Variants in MED27 observed in about 807,000 individuals in gnomAD.
The protein encoded by MED27 is mediator of RNA polymerase II transcription subunit 27.
Under a neutral mutation model 38.2 loss-of-function variants are expected in MED27, and 30 were observed. The observed-to-expected ratio is 0.79, with a 90% CI of 0.59 to 1.07. The LOEUF is 1.07. MED27 is among the 50% of genes least tolerant of loss of function. The probability of loss-of-function intolerance (pLI) is 0.00; values close to 1 mark genes in which losing one functional copy is unlikely to be tolerated. For missense variants in MED27, 289 were observed against 397.5 expected, an observed-to-expected ratio of 0.73 and a Z score of 2.32; for synonymous variants, 122 against 153.5, an observed-to-expected ratio of 0.79 and a Z score of 1.52.
intron 4 of MED27, among the ~76,000 whole-genome samples, chr9:131,914,431 G>A (rs1796637973): frequency 6.6e-6 from 1 of 152,170 alleles, no homozygotes; most frequent in African/African-American, 2.4e-5. Flanking sequence ...GCTGCTGTGA[G>A]ATTACACTGT....
chr9:131,961,926 T>A (rs1268083127), intron 3 of MED27, among the ~76,000 whole-genome samples: 1 of 152,198 alleles, frequency 6.6e-6, no homozygotes, highest in Admixed American at 6.5e-5. Flanking sequence ...GTTGATAGAT[T>A]TAAGAATTAT....
intron 4 of MED27, among the ~76,000 whole-genome samples, chr9:131,922,900 C>T (rs967124708): frequency 1.3e-5 from 2 of 152,154 alleles, no homozygotes; most frequent in Non-Finnish European, 2.9e-5. Flanking sequence ...AGGCGTGAAC[C>T]ACCGTGCCCA....
chr9:132,019,928 G>A (rs1038335740), intron 2 of MED27, among the ~76,000 whole-genome samples: 3 of 152,202 alleles, frequency 2.0e-5, no homozygotes, highest in Admixed American at 6.5e-5. Flanking sequence ...TGCAGGCGCT[G>A]AGACGTTGCA....
In MED27 at chr9:131,862,151, G is replaced by A. The variant is rs943160281; in HGVS notation, c.801+912C>T. Among the ~76,000 whole-genome samples, 1 of 152,214 alleles carries A rather than the reference G, an allele frequency of 6.6e-6. No homozygotes were observed. The highest frequency in any genetic ancestry group is 1.5e-5 in the Non-Finnish European group (1 of 68,052). ...TGAAGCCAATCAACGCACCAGGGAT[G>A]TGTCTTCTGAGGAATGAACTCCAGG... On this transcript the variant is annotated intron_variant, in intron 7 of 7. Transcript: ENST00000292035. The surrounding 1 kb of genome is among the most constrained non-coding windows in gnomAD (Gnocchi z 4.6).
intron 2 of MED27, among the ~76,000 whole-genome samples, chr9:132,046,152 G>A (rs555976550): frequency 2.0e-5 from 3 of 152,262 alleles, no homozygotes; most frequent in East Asian, 1.9e-4. Context: ...CTGACGAATC[G>A]AGAGAAGAAA....
chr9:132,077,966 C>G (rs1442254026), intron 1 of MED27, among the ~76,000 whole-genome samples: 2 of 152,180 alleles, frequency 1.3e-5, no homozygotes, highest in Non-Finnish European at 2.9e-5. Flanking sequence ...ACGTGCAGAT[C>G]ATTACACTTG....
At chr9:132,068,927 T>C (rs1833869427) in intron 2 of MED27, among the ~76,000 whole-genome samples, 1 of 152,172 alleles carries the variant, frequency 6.6e-6, no homozygotes, top group Non-Finnish European at 1.5e-5. Flanking sequence ...CCCAGCGGCC[T>C]TCTCCCAAAC....
chr9:132,060,514 G>A (rs535478973), intron 2 of MED27, among the ~76,000 whole-genome samples: 6 of 152,280 alleles, frequency 3.9e-5, no homozygotes, highest in Admixed American at 2.0e-4. Flanking sequence ...ACCACTGCAC[G>A]GTCCCACATG....
intron 2 of MED27, among the ~76,000 whole-genome samples, chr9:132,033,984 T>G (rs958780577): frequency 3.3e-5 from 5 of 152,240 alleles, no homozygotes; most frequent in Admixed American, 3.3e-4. Context: ...TGTTCTGTAT[T>G]AAATGCGAGG....
intron 5 of MED27, among the ~76,000 whole-genome samples, chr9:131,886,475 A>C (rs1714031977): frequency 6.6e-6 from 1 of 152,124 alleles, no homozygotes; most frequent in African/African-American, 2.4e-5. Flanking sequence ...TTGCCACAAA[A>C]ACCCTCAACA....
At chr9:132,068,969 C>T (rs983385591) in intron 2 of MED27, among the ~76,000 whole-genome samples, 1 of 152,308 alleles carries the variant, frequency 6.6e-6, no homozygotes, top group East Asian at 1.9e-4. Context: ...GACAAGAAAA[C>T]GGGAGGCTTC....
In MED27 at chr9:131,889,595, G is replaced by T. The variant is rs950227974; in HGVS notation, c.681+4290C>A. Among the ~76,000 whole-genome samples, 1 of 152,202 alleles carries T rather than the reference G, an allele frequency of 6.6e-6. No individual in the cohort carries two copies. The highest frequency in any genetic ancestry group is 1.5e-5 in the Non-Finnish European group (1 of 68,048). On this transcript the variant is annotated intron_variant, in intron 5 of 7. Transcript: ENST00000292035. This position sits in a 1 kb window ranked among gnomAD's most constrained non-coding sequence, Gnocchi z 4.2. ...TTGGTATCAAAAATATGCATTGCAGGTAAAGAGACAGGATGCTAGGGTCAT... is the reference window on the plus strand; with the variant it reads ...TTGGTATCAAAAATATGCATTGCAGTTAAAGAGACAGGATGCTAGGGTCAT...
In MED27 at chr9:131,997,521, C is replaced by T. The variant is rs74939197; in HGVS notation, c.479+16816G>A. Among the ~76,000 whole-genome samples the T allele has an allele frequency of 0.016, 2,469 of 152,312 alleles. 55 individuals carry two copies. Among genetic ancestry groups the T allele is most frequent in the African/African-American group, 0.051 (2,106 of 41,554 alleles). Reference sequence around the variant, plus strand: ...CAGAGATCCCCTGGGTTGACCGAGGCGTTGCCAGCCCTGCACTGTAGGCTG... The same window carrying T: ...CAGAGATCCCCTGGGTTGACCGAGGTGTTGCCAGCCCTGCACTGTAGGCTG... On this transcript the variant is annotated intron_variant, in intron 3 of 7. Transcript: ENST00000292035. The surrounding 1 kb of genome is among the most constrained non-coding windows in gnomAD (Gnocchi z 4.0).
At position 131,889,636 on chromosome 9, in the gene MED27, AGCAAAGT is replaced by A. The variant is rs58670376; in HGVS notation, c.681+4242_681+4248del. On this transcript the variant is annotated intron_variant, in intron 5 of 7. Transcript: ENST00000292035. This position sits in a 1 kb window ranked among gnomAD's most constrained non-coding sequence, Gnocchi z 4.2. ...CTAGGGTCATGGCGGTGGTTGTTAG[AGCAAAGT>A]GCAAAGTGCAAAGTGATAGCCTTGC... Among the ~76,000 whole-genome samples the A allele has an allele frequency of 4.3e-3, 662 of 152,312 alleles. 1 individual carries two copies. Among genetic ancestry groups the A allele is most frequent in the African/African-American group, 0.015 (629 of 41,568 alleles).
At chr9:132,005,134 A>G (rs563361711) in intron 3 of MED27, among the ~76,000 whole-genome samples, 36 of 152,360 alleles carry the variant, frequency 2.4e-4, no homozygotes, top group African/African-American at 7.2e-4. Flanking sequence ...AAATAAATAC[A>G]TAAAAACGGA....
At chr9:132,072,767 G>A (rs1833969412) in intron 2 of MED27, among the ~76,000 whole-genome samples, 1 of 151,984 alleles carries the variant, frequency 6.6e-6, no homozygotes, top group Non-Finnish European at 1.5e-5. Context: ...AATTGTGAGG[G>A]GCATTTAAGT....
At position 132,059,691 on chromosome 9, in the gene MED27, C is replaced by T. The variant is rs149646566; in HGVS notation, c.348+17751G>A. ...TACATCATGGCTGGAAATAAATCCT[C>T]GGGAAAGCAGCCATTAATGCGCCTT... On this transcript the variant is annotated intron_variant, in intron 2 of 7. Transcript: ENST00000292035. 1.0e-2 allele frequency among the ~76,000 whole-genome samples: 1,516 copies of T among 152,296 alleles called. 14 individuals carry two copies. Among genetic ancestry groups the T allele is most frequent in the Non-Finnish European group, 0.015 (1,029 of 68,018 alleles).
At chr9:131,892,453 G>T (rs1839244286) in intron 5 of MED27, among the ~76,000 whole-genome samples, 1 of 152,134 alleles carries the variant, frequency 6.6e-6, no homozygotes, top group Non-Finnish European at 1.5e-5. Context: ...TCCTTCTTAT[G>T]ATCTCAATTC....
rs776745279 is a variant in MED27 at position 131,913,977 on chromosome 9, C to T, written c.574-19985G>A. 2.0e-5 allele frequency among the ~76,000 whole-genome samples: 3 copies of T among 152,116 alleles called. No homozygotes were observed. The highest frequency in any genetic ancestry group is 1.9e-4 in the East Asian group (1 of 5,204). ...ATTCATTCAACAGCTCTTAACAGAA[C>T]GCTTCCTTTGTGCCAGGTGCAGTTC... On this transcript the variant is annotated intron_variant, in intron 4 of 7. Coordinates refer to ENST00000292035, the MANE Select transcript of MED27 (RefSeq NM_004269.4). This position sits in a 1 kb window ranked among gnomAD's most constrained non-coding sequence, Gnocchi z 4.5.
Sources: allele counts gnomAD v4.1 joint callset (sites outside exome capture counted in the v4.1 genomes callset), GRCh38; gene constraint gnomAD v4.1.1; non-coding constraint Gnocchi (gnomAD v3.1); transcripts MANE v1.5; gene names NCBI Gene and HGNC (gene_info 2026-07-23, HGNC 2026-07-21).